The following SLC4A4 variants were observed in gnomAD, a reference collection of about 807,000 sequenced individuals.
SLC4A4 encodes the protein electrogenic sodium bicarbonate cotransporter 1.
In SLC4A4, 27 loss-of-function variants were observed where a neutral mutation model predicts 111.5. The ratio of observed to expected loss-of-function variants is 0.24; its 90% CI spans 0.18 to 0.33. SLC4A4 has a LOEUF of 0.33. SLC4A4 is among the 10% of genes least tolerant of loss of function. The pLI, the probability that SLC4A4 is intolerant of heterozygous loss-of-function variation, is 1.00. For synonymous variants in SLC4A4, 443 were observed against 463.4 expected, an observed-to-expected ratio of 0.96 and a Z score of 0.57; for missense variants, 909 against 1,315.5, an observed-to-expected ratio of 0.69 and a Z score of 4.78.
At chr4:71,309,560 A>G (rs1007884018) in intron 3 of SLC4A4, among the ~76,000 whole-genome samples, 8 of 152,088 alleles carry the variant, frequency 5.3e-5, no homozygotes, top group African/African-American at 1.9e-4. Context: ...CCTCCAGCAA[A>G]CTCCAGCAGA....
At chr4:71,436,868 A>C (rs964526175) in intron 7 of SLC4A4, 1 of 189,802 alleles carries the variant, frequency 5.3e-6, no homozygotes, top group Non-Finnish European at 1.1e-5. Context: ...GTGTCATGTC[A>C]TTAAAACCCA....
chr4:71,418,540 A>G (rs1722027571), intron 7 of SLC4A4, among the ~76,000 whole-genome samples: 1 of 152,244 alleles, frequency 6.6e-6, no homozygotes, highest in Non-Finnish European at 1.5e-5. Context: ...CTATCAAGCA[A>G]TAGCTCTTTT....
intron 2 of SLC4A4, among the ~76,000 whole-genome samples, chr4:71,140,730 T>C (rs1375519070): frequency 6.6e-6 from 1 of 152,156 alleles, no homozygotes; most frequent in African/African-American, 2.4e-5. Context: ...TATGACGATC[T>C]GTTGGCTTAC....
At chr4:71,361,991 A>G (rs1730834827) in intron 6 of SLC4A4, among the ~76,000 whole-genome samples, 1 of 152,104 alleles carries the variant, frequency 6.6e-6, no homozygotes, top group African/African-American at 2.4e-5. Context: ...AGTACTTTTT[A>G]TATGTATTGT....
chr4:71,396,037 A>T (rs1719796468), intron 6 of SLC4A4, among the ~76,000 whole-genome samples: 2 of 152,210 alleles, frequency 1.3e-5, no homozygotes, highest in South Asian at 4.1e-4. Flanking sequence ...TCTCAGCATT[A>T]TTTGGGGGCA....
rs1400612393 is a variant in SLC4A4, at chr4:71,447,806, A to G, written c.1053+73A>G. The G allele has an allele frequency of 4.3e-6, 4 of 926,860 alleles. No individual in the cohort carries two copies. In the African/African-American group the frequency reaches 6.5e-5, roughly 15 times the overall value. 57.4% of individuals were successfully genotyped at this position (926,860 alleles called of 1,614,324 possible). ...TGTCATACTGTGAATTGGCTGTCAC[A>G]ATTTATTCAATTAGAATTATGTGGT... On this transcript the variant is annotated intron_variant, in intron 9 of 25. Transcript: ENST00000264485.
chr4:71,146,207 C>G (rs891167721), intron 2 of SLC4A4, among the ~76,000 whole-genome samples: 77 of 152,026 alleles, frequency 5.1e-4, no homozygotes, highest in Admixed American at 5.0e-3. Flanking sequence ...TATTATGTAC[C>G]CAGTAGTCAT....
Position 71,406,303 on chromosome 4 carries a change from A to G in SLC4A4, c.807+8650A>G, listed in dbSNP as rs115213444. ...GGAGTGTTGTCAACTGAAATGGCTA[A>G]TAAAAAGATGAGCCAACACTTTTTT... On this transcript the variant is annotated intron_variant, in intron 7 of 25. Coordinates refer to ENST00000264485, the MANE Select transcript of SLC4A4 (RefSeq NM_001098484.3). 3.9e-3 allele frequency among the ~76,000 whole-genome samples: 518 copies of G among 131,366 alleles called. 1 individual carries two copies. Among genetic ancestry groups the G allele is most frequent in the Non-Finnish European group, 6.2e-3 (388 of 62,470 alleles). The allele number at this position is 131,366 out of a possible 152,430, so 86.2% of individuals were successfully genotyped here.
chr4:71,097,888 T>C (rs1742604224), intron 2 of SLC4A4, among the ~76,000 whole-genome samples: 1 of 152,170 alleles, frequency 6.6e-6, no homozygotes, highest in Admixed American at 6.5e-5. Context: ...TTCTCGTATA[T>C]TTGTTTCTTT....
chr4:71,340,905 T>C (rs1337610659), intron 4 of SLC4A4, among the ~76,000 whole-genome samples: 1 of 152,196 alleles, frequency 6.6e-6, no homozygotes, highest in Non-Finnish European at 1.5e-5. Context: ...ATTACACAAA[T>C]ACCTGGGGTT....
intron 16 of SLC4A4, among the ~76,000 whole-genome samples, chr4:71,523,916 C>T (rs1483456706): frequency 6.6e-6 from 1 of 152,046 alleles, no homozygotes; most frequent in Non-Finnish European, 1.5e-5. Context: ...GGACTTTAAA[C>T]ACCATCTAGT....
At chr4:71,328,767 GT>G in intron 3 of SLC4A4, among the ~76,000 whole-genome samples, 1 of 151,882 alleles carries the variant, frequency 6.6e-6, no homozygotes, top group Non-Finnish European at 1.5e-5. Flanking sequence ...CCATCTTTTG[GT>G]TGTCTCTTCA....
intron 12 of SLC4A4, among the ~76,000 whole-genome samples, chr4:71,463,576 C>G (rs1374858176): frequency 6.6e-6 from 1 of 152,128 alleles, no homozygotes; most frequent in Non-Finnish European, 1.5e-5. Flanking sequence ...TAGCACTTAC[C>G]AAAGGATCAA....
At chr4:71,162,328 A>G (rs1431150007) in intron 2 of SLC4A4, among the ~76,000 whole-genome samples, 5 of 152,148 alleles carry the variant, frequency 3.3e-5, no homozygotes, top group African/African-American at 1.2e-4. Context: ...GGGTGGCCTG[A>G]CTCCAAAGCG....
At chr4:71,530,298 T>A (rs1047077987) in intron 16 of SLC4A4, among the ~76,000 whole-genome samples, 1 of 152,144 alleles carries the variant, frequency 6.6e-6, no homozygotes, top group Non-Finnish European at 1.5e-5. Context: ...TTCCAGGCAA[T>A]ATTGTTAAGC....
intron 3 of SLC4A4, among the ~76,000 whole-genome samples, chr4:71,331,017 A>T (rs1345676858): frequency 1.3e-5 from 2 of 152,214 alleles, no homozygotes; most frequent in Non-Finnish European, 2.9e-5. Flanking sequence ...AATGCAAATC[A>T]AAACCACAAT....
chr4:71,492,657 T>C (rs1463138194), intron 15 of SLC4A4, among the ~76,000 whole-genome samples: 53 of 151,948 alleles, frequency 3.5e-4, no homozygotes, highest in Non-Finnish European at 1.5e-4. Flanking sequence ...GCTCTTGATG[T>C]CTCTCTCTCT....
At chr4:71,346,488 G>A (rs981241894) in intron 4 of SLC4A4, among the ~76,000 whole-genome samples, 1 of 151,090 alleles carries the variant, frequency 6.6e-6, no homozygotes, top group Non-Finnish European at 1.5e-5. Flanking sequence ...ATGAAGGGGA[G>A]ATAGTGGCTT....
At chr4:71,395,524 C>T (rs1439509967) in intron 6 of SLC4A4, among the ~76,000 whole-genome samples, 1 of 152,160 alleles carries the variant, frequency 6.6e-6, no homozygotes, top group Non-Finnish European at 1.5e-5. Context: ...GCCATACTAT[C>T]ACTGTCTTTC....
Sources: gnomAD v4.1 joint callset for allele counts (sites outside exome capture counted in the v4.1 genomes callset) on GRCh38, gnomAD v4.1.1 for gene constraint, MANE v1.5 for transcripts, NCBI Gene and HGNC (gene_info 2026-07-23, HGNC 2026-07-21) for gene names.